The following SCOC variants were observed in gnomAD, a reference collection of about 807,000 sequenced individuals.
SCOC encodes short coiled coil protein.
Under a neutral mutation model 9.9 loss-of-function variants are expected in SCOC, and 7 were observed. The observed-to-expected ratio is 0.71, with a 90% CI of 0.40 to 1.33. The LOEUF (loss-of-function observed/expected upper bound fraction) is 1.33. Ranked by LOEUF, SCOC falls within the 40% of genes most tolerant of loss-of-function variation. The pLI is 0.01. For synonymous variants in SCOC, 19 were observed against 28.2 expected (o/e 0.67, Z 1.03); for missense variants, 66 against 89.7 (o/e 0.74, Z 1.07).
chr4:140,284,770 C>CAAA (rs34770368), intron 1 of SCOC: 34 of 78,758 alleles, frequency 4.3e-4, no homozygotes, highest in African/African-American at 8.2e-4. Flanking sequence ...CTATTTCTTT[C>CAAA]AAAAAAAAAA....
At chr4:140,333,361 T>C (rs1468689371) in intron 1 of SCOC, among the ~76,000 whole-genome samples, 1 of 152,120 alleles carries the variant, frequency 6.6e-6, no homozygotes, top group East Asian at 1.9e-4. Context: ...GTATATATAT[T>C]TGTATATACA....
At chr4:140,378,653 T>A (rs2126599285) in intron 1 of SCOC, among the ~76,000 whole-genome samples, 1 of 152,302 alleles carries the variant, frequency 6.6e-6, no homozygotes, top group African/African-American at 2.4e-5. Context: ...TTGTTTCTGA[T>A]TGACTTCATT....
At chr4:140,292,188 G>A (rs1731495231) in intron 1 of SCOC, among the ~76,000 whole-genome samples, 1 of 135,934 alleles carries the variant, frequency 7.4e-6, no homozygotes, top group Non-Finnish European at 1.5e-5. Context: ...GTACTCTTCT[G>A]GTTTTTTTTT....
At chr4:140,360,015 C>A (rs921092973) in intron 2 of SCOC, among the ~76,000 whole-genome samples, 5 of 152,150 alleles carry the variant, frequency 3.3e-5, no homozygotes, top group Non-Finnish European at 5.9e-5. Flanking sequence ...CCACTTGACT[C>A]CTCTGGGTCT....
At chr4:140,260,522 A>G (rs114568591) in intron 1 of SCOC, among the ~76,000 whole-genome samples, 150 of 152,324 alleles carry the variant, frequency 9.8e-4, no homozygotes, top group African/African-American at 3.2e-3. Flanking sequence ...TGCTCGAAGA[A>G]CCTGGAGAGA....
intron 1 of SCOC, chr4:140,284,629 G>A (rs1301812722): frequency 6.6e-6 from 1 of 152,590 alleles, no homozygotes; most frequent in Non-Finnish European, 1.5e-5. Context: ...GCGCTCTGAA[G>A]CCTGGGGAAG....
intron 1 of SCOC, among the ~76,000 whole-genome samples, chr4:140,279,656 C>G (rs986217854): frequency 2.6e-5 from 4 of 152,198 alleles, no homozygotes; most frequent in African/African-American, 9.7e-5. Context: ...CCTGCTGCCA[C>G]CAGCCTCATC....
chr4:140,325,019 T>A lies in SCOC; in HGVS notation c.-18-18602T>A, dbSNP rs150081954. ...TGGAACAGAAAAGAGAATTCATAAATAGATCTACAGAAATATTGTCAGCTG... is the reference window on the plus strand; with the variant it reads ...TGGAACAGAAAAGAGAATTCATAAAAAGATCTACAGAAATATTGTCAGCTG... On this transcript the variant is annotated intron_variant, in intron 1 of 4. Transcript: ENST00000394205. Among the ~76,000 whole-genome samples the A allele has an allele frequency of 9.9e-4, 150 of 152,168 alleles. 1 individual carries two copies. The highest frequency in any genetic ancestry group is 1.9e-3 in the Non-Finnish European group (128 of 67,960).
chr4:140,373,447 A>T (rs1434375623), upstream of SCOC: 4 of 1,540,936 alleles, frequency 2.6e-6, no homozygotes, highest in Non-Finnish European at 3.5e-6. Context: ...CAGCGACCTC[A>T]ATCCTGATTG....
intron 1 of SCOC, among the ~76,000 whole-genome samples, chr4:140,272,657 G>A (rs561017584): frequency 6.6e-6 from 1 of 152,294 alleles, no homozygotes; most frequent in South Asian, 2.1e-4. Context: ...GTTGAATGAA[G>A]CATATTGAAA....
At chr4:140,377,302 T>C (rs1264504150) in intron 1 of SCOC, among the ~76,000 whole-genome samples, 1 of 152,102 alleles carries the variant, frequency 6.6e-6, no homozygotes, top group African/African-American at 2.4e-5. Context: ...GTTTTTGGAG[T>C]GTGGTCTTTA....
chr4:140,338,234 A>G (rs1338089600), intron 1 of SCOC, among the ~76,000 whole-genome samples: 8 of 152,136 alleles, frequency 5.3e-5, no homozygotes, highest in African/African-American at 9.7e-5. Context: ...AAAGGCCTTC[A>G]ACAAAATTCA....
At chr4:140,313,914 G>T (rs1253052742) in intron 1 of SCOC, among the ~76,000 whole-genome samples, 5 of 152,008 alleles carry the variant, frequency 3.3e-5, no homozygotes. Context: ...GCTCACTTGA[G>T]GTCAGGAATT....
upstream of SCOC, among the ~76,000 whole-genome samples, chr4:140,372,640 AG>A (rs1460852045): frequency 2.0e-5 from 3 of 152,208 alleles, no homozygotes; most frequent in Non-Finnish European, 4.4e-5. Context: ...AACACTGAAT[AG>A]AAGATATTTT....
At chr4:140,310,221 C>T (rs1201749879) in intron 1 of SCOC, among the ~76,000 whole-genome samples, 1 of 152,188 alleles carries the variant, frequency 6.6e-6, no homozygotes, top group East Asian at 1.9e-4. Context: ...GGTTGGGTTG[C>T]TCCATTGTTG....
At chr4:140,361,859 T>C (rs1727485574) in intron 2 of SCOC, among the ~76,000 whole-genome samples, 1 of 152,156 alleles carries the variant, frequency 6.6e-6, no homozygotes, top group African/African-American at 2.4e-5. Context: ...AGATACTTTC[T>C]TGTAATGCGC....
At chr4:140,262,064 A>G (rs938359947) in intron 1 of SCOC, among the ~76,000 whole-genome samples, 3 of 152,224 alleles carry the variant, frequency 2.0e-5, no homozygotes, top group African/African-American at 7.2e-5. Context: ...GATGAATTAA[A>G]ACATTCCATT....
intron 1 of SCOC, among the ~76,000 whole-genome samples, chr4:140,290,447 G>A (rs1731438662): frequency 6.6e-6 from 1 of 152,158 alleles, no homozygotes; most frequent in South Asian, 2.1e-4. Flanking sequence ...CATGCCTTTG[G>A]TTCCACTCAT....
chr4:140,301,995 G>T (rs1285610881), intron 1 of SCOC, among the ~76,000 whole-genome samples: 1 of 151,978 alleles, frequency 6.6e-6, no homozygotes, highest in Non-Finnish European at 1.5e-5. Flanking sequence ...CACCACACTG[G>T]ACTAATTTTT....
Sources: gnomAD v4.1 joint callset for allele counts (sites outside exome capture counted in the v4.1 genomes callset) on GRCh38, gnomAD v4.1.1 for gene constraint, MANE v1.5 for transcripts, NCBI Gene and HGNC (gene_info 2026-07-23, HGNC 2026-07-21) for gene names.